Variants in KLF16 observed in about 807,000 individuals in gnomAD.
KLF16 encodes the protein Krueppel-like factor 16.
KLF16 carries 6 observed loss-of-function variants against 6.1 expected under a neutral mutation model. That is an observed-to-expected ratio of 0.98 (90% confidence interval 0.54 to 1.93). KLF16 has a LOEUF of 1.93. KLF16 is among the 30% of genes most tolerant of loss of function. The pLI is 0.01. For synonymous variants in KLF16, 211 were observed against 176.5 expected (o/e 1.20, Z -1.55); for missense variants, 355 against 363.8 (o/e 0.98, Z 0.20).
chr19:1,873,917 C>G, the KLF16 span, among the ~76,000 whole-genome samples: 1 of 152,222 alleles, frequency 6.6e-6, no homozygotes, highest in African/African-American at 2.4e-5. Context: ...GGGAGCCCTG[C>G]CGAAGCCTCG....
At chr19:1,859,554 C>A (rs1054306422) in intron 1 of KLF16, among the ~76,000 whole-genome samples, 1 of 152,134 alleles carries the variant, frequency 6.6e-6, no homozygotes, top group African/African-American at 2.4e-5. Context: ...GGTGCCCCCT[C>A]CCCACCTCAA....
At position 1,853,794 on chromosome 19, in the gene KLF16, G is replaced by A. The variant is rs1443609293; in HGVS notation, c.*665C>T. On this transcript the variant is annotated 3_prime_UTR_variant, in exon 2 of 2. Transcript: ENST00000250916. ...CCCTCCCTCCCCATCCCAGGTCTCA[G>A]AAGCAACACCTGGAGCCCCTCCGGG... The A allele has an allele frequency of 2.0e-5, 3 of 152,602 alleles. No individual in the cohort carries two copies. Among genetic ancestry groups the A allele is most frequent in the Non-Finnish European group, 2.9e-5 (2 of 68,070 alleles). The allele number at this position is 152,602 out of a possible 1,614,324, so 9.5% of individuals were successfully genotyped here.
chr19:1,874,746 C>CCA, the KLF16 span: 3 of 41,978 alleles, frequency 7.1e-5, no homozygotes, highest in African/African-American at 7.5e-5. Flanking sequence ...GTCAGAGTCC[C>CCA]AAAAAAAAAA....
At position 1,857,957 on chromosome 19, in the gene KLF16, G is replaced by T. The variant is rs2011988341; in HGVS notation, c.458-3197C>A. The stretch of plus-strand genomic sequence containing the variant: ...CTGGTGGTGAGGCCCTGCCAGCCTG[G>T]GGGTGGGGTCTCGAATACTACTGGG... On this transcript the variant is annotated intron_variant, in intron 1 of 1. Transcript: ENST00000250916. The surrounding 1 kb of genome is among the most constrained non-coding windows in gnomAD (Gnocchi z 4.7). 6.6e-6 allele frequency among the ~76,000 whole-genome samples: 1 copy of T among 151,950 alleles called. No individual in the cohort carries two copies. Among genetic ancestry groups the T allele is most frequent in the African/African-American group, 2.4e-5 (1 of 41,316 alleles).
upstream of KLF16, among the ~76,000 whole-genome samples, chr19:1,866,609 T>A (rs1301028738): frequency 7.3e-6 from 1 of 137,464 alleles, no homozygotes; most frequent in Non-Finnish European, 1.6e-5. Flanking sequence ...AGAGAAACTG[T>A]CTCAAAAAAA....
At chr19:1,874,258 A>C in the KLF16 span, among the ~76,000 whole-genome samples, 1 of 152,196 alleles carries the variant, frequency 6.6e-6, no homozygotes, top group Non-Finnish European at 1.5e-5. Context: ...TAATGCAAGG[A>C]GGAGGGGCCT....
chr19:1,857,331 C>G lies in KLF16; in HGVS notation c.458-2571G>C, dbSNP rs764230672. ...CCAGAGCGCGCTGCTCCTAGCCAGC[C>G]GGGCCCCCAGGTGCACAGCCACCCA... is the stretch of plus-strand genomic sequence containing the variant. On this transcript the variant is annotated intron_variant, in intron 1 of 1. Transcript: ENST00000250916. This position sits in a 1 kb window ranked among gnomAD's most constrained non-coding sequence, Gnocchi z 4.7. Among the ~76,000 whole-genome samples, 20 of 152,224 alleles carry G rather than the reference C, an allele frequency of 1.3e-4. No homozygotes were observed. The highest frequency in any genetic ancestry group is 6.5e-4 in the Admixed American group (10 of 15,282).
chr19:1,863,597 A>T, upstream of KLF16: 1 of 405,030 alleles, frequency 2.5e-6, no homozygotes, highest in Non-Finnish European at 3.3e-6. Context: ...GCGGAGGAGG[A>T]GGAGGAGGAG....
chr19:1,863,726 T>A (rs1274416257), upstream of KLF16, among the ~76,000 whole-genome samples: 1 of 129,520 alleles, frequency 7.7e-6, no homozygotes, highest in Non-Finnish European at 1.7e-5. Flanking sequence ...GGACGCCCCC[T>A]CGGGGCGCCG....
intron 1 of KLF16, chr19:1,861,979 G>A (rs1179448700): frequency 6.6e-6 from 1 of 152,234 alleles, no homozygotes; most frequent in African/African-American, 2.4e-5. Flanking sequence ...TGAAATAGAG[G>A]CAGCATCGCA....
At chr19:1,873,515 C>T in the KLF16 span, among the ~76,000 whole-genome samples, 3 of 152,348 alleles carry the variant, frequency 2.0e-5, no homozygotes, top group East Asian at 5.8e-4. Context: ...ACCCAGGGCC[C>T]CGTGCTGGGG....
rs10413786 is a variant in KLF16 at position 1,857,491 on chromosome 19, C to T, written c.458-2731G>A. Among the ~76,000 whole-genome samples, 40,693 of 152,048 alleles carry T rather than the reference C, an allele frequency of 0.27. 6,170 individuals are homozygous for T. Among genetic ancestry groups the T allele is most frequent in the African/African-American group, 0.41 (16,905 of 41,462 alleles). ...AGGCTGGGCCCGGGTGAGCTCAGGA[C>T]AGCCTCGGAAACAGGCAGGCTCAGA... On this transcript the variant is annotated intron_variant, in intron 1 of 1. Transcript: ENST00000250916. This position sits in a 1 kb window ranked among gnomAD's most constrained non-coding sequence, Gnocchi z 4.7.
At chr19:1,862,959 C>T in intron 1 of KLF16, 82 bp downstream of exon 1, 2 of 866,472 alleles carry the variant, frequency 2.3e-6, no homozygotes, top group Non-Finnish European at 2.9e-6. Flanking sequence ...GCCCCCCACG[C>T]GCCACGCAGT....
intron 1 of KLF16, among the ~76,000 whole-genome samples, chr19:1,858,116 C>G (rs1377263500): frequency 6.6e-6 from 1 of 152,058 alleles, no homozygotes. Flanking sequence ...GCCAAACACG[C>G]AGGCAGGCAT....
At chr19:1,873,376 G>A in the KLF16 span, among the ~76,000 whole-genome samples, 1 of 152,198 alleles carries the variant, frequency 6.6e-6, no homozygotes, top group South Asian at 2.1e-4. Context: ...CCACATCTCA[G>A]GCAAGCCTCT....
chr19:1,874,744 C>T, the KLF16 span: 2 of 63,412 alleles, frequency 3.2e-5, no homozygotes, highest in Non-Finnish European at 5.2e-5. Context: ...GTGTCAGAGT[C>T]CCAAAAAAAA....
At chr19:1,867,524 G>A (rs1327440610), upstream of KLF16, among the ~76,000 whole-genome samples, 1 of 152,016 alleles carries the variant, frequency 6.6e-6, no homozygotes, top group Non-Finnish European at 1.5e-5. Flanking sequence ...GCAGAGAGCT[G>A]TGATACACCC....
intron 1 of KLF16, 93 bp downstream of exon 1, chr19:1,862,948 C>T: frequency 1.3e-6 from 1 of 763,646 alleles, no homozygotes; most frequent in Non-Finnish European, 1.7e-6. Context: ...CCCCCCTCCC[C>T]GCCCCCCACG....
intron 1 of KLF16, among the ~76,000 whole-genome samples, chr19:1,855,912 C>T (rs1326518246): frequency 6.6e-6 from 1 of 152,210 alleles, no homozygotes; most frequent in Non-Finnish European, 1.5e-5. Flanking sequence ...GGATGGAGAC[C>T]GGATGTGCAT....
Sources: gnomAD v4.1 joint callset for allele counts (sites outside exome capture counted in the v4.1 genomes callset) on GRCh38, gnomAD v4.1.1 for gene constraint, Gnocchi (gnomAD v3.1) non-coding constraint, MANE v1.5 for transcripts, NCBI Gene and HGNC (gene_info 2026-07-23, HGNC 2026-07-21) for gene names.